TRPC4: variants seen among roughly 807,000 people sequenced by gnomAD.
TRPC4 encodes the protein short transient receptor potential channel 4.
Under a neutral mutation model 99.4 loss-of-function variants are expected in TRPC4, and 49 were observed. The ratio of observed to expected loss-of-function variants is 0.49; its 90% CI spans 0.39 to 0.63. TRPC4 has a LOEUF of 0.63. Among genes scored for constraint, TRPC4 ranks in the 20% least tolerant of loss-of-function variants. The pLI, the probability that TRPC4 is intolerant of heterozygous loss-of-function variation, is 0.00. For missense variants in TRPC4, 898 were observed against 1,152.9 expected, an observed-to-expected ratio of 0.78 and a Z score of 3.20; for synonymous variants, 454 against 425.9, an observed-to-expected ratio of 1.07 and a Z score of -0.81.
At chr13:37,768,141 T>C (rs1956439233) in intron 2 of TRPC4, among the ~76,000 whole-genome samples, 2 of 151,474 alleles carry the variant, frequency 1.3e-5, no homozygotes, top group African/African-American at 2.4e-5. Flanking sequence ...GAACTACCAA[T>C]ATCACATGAT....
rs9315515 is a variant in TRPC4, at chr13:37,782,722, T to C, written c.378+234A>G. Among the ~76,000 whole-genome samples the C allele has an allele frequency of 0.52, 79,026 of 151,798 alleles. 21,127 individuals carry two copies. Among genetic ancestry groups the C allele is most frequent in the East Asian group, 0.78 (4,030 of 5,148 alleles). On this transcript the variant is annotated intron_variant, in intron 2 of 10. Transcript: ENST00000379705. ...TAAATTACTTTATTTTGCTTTAGCT[T>C]TCACAATTACTTATGATTTTCCAGG...
At chr13:37,686,594 C>T (rs1265754639) in intron 4 of TRPC4, among the ~76,000 whole-genome samples, 1 of 151,982 alleles carries the variant, frequency 6.6e-6, no homozygotes, top group Non-Finnish European at 1.5e-5. Context: ...TAATATCCAC[C>T]TTTTAAAACA....
intron 1 of TRPC4, among the ~76,000 whole-genome samples, chr13:37,807,024 T>C (rs1012106134): frequency 6.6e-6 from 1 of 152,078 alleles, no homozygotes; most frequent in Non-Finnish European, 1.5e-5. Flanking sequence ...AAGAAATCTT[T>C]AGAAAATTGC....
intron 6 of TRPC4, 56 bp downstream of exon 6, chr13:37,663,360 G>A: frequency 6.7e-7 from 1 of 1,495,880 alleles, no homozygotes; most frequent in Non-Finnish European, 9.0e-7. Flanking sequence ...AGTTTGTGAT[G>A]TGGTGCACTC....
chr13:37,769,779 C>T (rs1328357162), intron 2 of TRPC4, among the ~76,000 whole-genome samples: 1 of 151,462 alleles, frequency 6.6e-6, no homozygotes, highest in Non-Finnish European at 1.5e-5. Context: ...AAGTCTGATC[C>T]TAACAACCTG....
intron 1 of TRPC4, among the ~76,000 whole-genome samples, chr13:37,862,021 C>A (rs182278335): frequency 4.6e-5 from 7 of 151,404 alleles, no homozygotes; most frequent in Admixed American, 4.0e-4. Context: ...AGATTAAAGG[C>A]CATGAGAAAG....
chr13:37,676,827 T>C (rs879349506), intron 4 of TRPC4, among the ~76,000 whole-genome samples: 3 of 152,212 alleles, frequency 2.0e-5, no homozygotes, highest in South Asian at 4.1e-4. Context: ...CTAAAAGACA[T>C]ACTAAAAGGA....
At chr13:37,745,843 C>T (rs1955758746) in intron 3 of TRPC4, 94 bp downstream of exon 3, 1 of 1,409,814 alleles carries the variant, frequency 7.1e-7, no homozygotes, top group East Asian at 2.3e-5. Context: ...ATAGAAAATG[C>T]TCTAAAACCC....
intron 5 of TRPC4, among the ~76,000 whole-genome samples, chr13:37,672,535 T>C (rs1439154001): frequency 2.0e-5 from 3 of 152,232 alleles, no homozygotes; most frequent in African/African-American, 7.2e-5. Context: ...TTATGATTCC[T>C]ATCCACTTAG....
chr13:37,825,846 T>C (rs996379596), intron 1 of TRPC4, among the ~76,000 whole-genome samples: 6 of 151,680 alleles, frequency 4.0e-5, no homozygotes, highest in African/African-American at 1.5e-4. Flanking sequence ...TTCTGTCTCA[T>C]TGATCTGTCT....
intron 1 of TRPC4, among the ~76,000 whole-genome samples, chr13:37,825,928 C>G (rs919706070): frequency 6.2e-5 from 9 of 144,344 alleles, no homozygotes; most frequent in African/African-American, 2.0e-4. Flanking sequence ...GTAGGTCACT[C>G]AGGACTTGCT....
At chr13:37,803,630 C>T (rs557369306) in intron 1 of TRPC4, among the ~76,000 whole-genome samples, 25 of 152,116 alleles carry the variant, frequency 1.6e-4, no homozygotes, top group African/African-American at 5.8e-4. Context: ...TCAGATATGG[C>T]CACTGCTTTT....
intron 1 of TRPC4, among the ~76,000 whole-genome samples, chr13:37,857,125 T>A (rs1005601539): frequency 2.6e-5 from 4 of 151,620 alleles, no homozygotes; most frequent in African/African-American, 9.7e-5. Context: ...CATTTCTATA[T>A]GCCAACAGTA....
intron 5 of TRPC4, among the ~76,000 whole-genome samples, chr13:37,665,666 T>A (rs1952620233): frequency 6.6e-6 from 1 of 152,042 alleles, no homozygotes; most frequent in African/African-American, 2.4e-5. Flanking sequence ...TGAGAGATGA[T>A]GTATTGTCAA....
At chr13:37,675,702 T>G (rs1408838400) in intron 4 of TRPC4, among the ~76,000 whole-genome samples, 1 of 152,124 alleles carries the variant, frequency 6.6e-6, no homozygotes, top group Non-Finnish European at 1.5e-5. Flanking sequence ...GGAAAAACTT[T>G]CCTGTACATA....
At chr13:37,675,792 TAA>T in intron 4 of TRPC4, among the ~76,000 whole-genome samples, 1 of 152,194 alleles carries the variant, frequency 6.6e-6, no homozygotes. Context: ...TAGGCCTGCC[TAA>T]GTCTGACCCT....
At chr13:37,679,578 TA>T (rs146923929) in intron 4 of TRPC4, among the ~76,000 whole-genome samples, 3,651 of 152,280 alleles carry the variant, frequency 0.024, 134 homozygotes, top group African/African-American at 0.083. Flanking sequence ...GTTTTGTTTT[TA>T]TATTTTGTTA....
chr13:37,643,780 A>G (rs1482248565), intron 8 of TRPC4, among the ~76,000 whole-genome samples: 4 of 152,188 alleles, frequency 2.6e-5, no homozygotes, highest in African/African-American at 9.7e-5. Flanking sequence ...ACATGTGATG[A>G]AAGTGTAATT....
chr13:37,665,408 A>G (rs1952607697), intron 5 of TRPC4, among the ~76,000 whole-genome samples: 1 of 152,218 alleles, frequency 6.6e-6, no homozygotes, highest in Non-Finnish European at 1.5e-5. Flanking sequence ...AAATACACAA[A>G]AAATGAAACA....
Sources: gnomAD v4.1 joint callset for allele counts (sites outside exome capture counted in the v4.1 genomes callset) on GRCh38, gnomAD v4.1.1 for gene constraint, MANE v1.5 for transcripts, NCBI Gene and HGNC (gene_info 2026-07-23, HGNC 2026-07-21) for gene names.